Variants in ITPA observed in about 807,000 individuals in gnomAD.
The protein encoded by ITPA is inosine triphosphatase.
In ITPA, 29 loss-of-function variants were observed where a neutral mutation model predicts 29.6. The observed-to-expected ratio is 0.98, with a 90% CI of 0.73 to 1.34. The LOEUF (loss-of-function observed/expected upper bound fraction) is 1.34, where lower values mean the gene tolerates loss of function less well. Ranked by LOEUF, ITPA falls within the 40% of genes most tolerant of loss-of-function variation. ITPA has a pLI of 0.00. For missense variants in ITPA, 241 were observed against 251.5 expected (o/e 0.96, Z 0.28); for synonymous variants, 103 against 99.3 (o/e 1.04, Z -0.22).
intron 6 of ITPA, among the ~76,000 whole-genome samples, chr20:3,220,043 C>CA (rs745545920): frequency 0.027 from 1,585 of 57,900 alleles, 29 homozygotes; most frequent in Non-Finnish European, 0.043. Context: ...GACCCAGTCT[C>CA]AAAAAAAAAA....
At chr20:3,204,689 C>T, upstream of ITPA, 1 of 1,488,592 alleles carries the variant, frequency 6.7e-7, no homozygotes, top group Non-Finnish European at 9.0e-7. Flanking sequence ...ATAGGCCCCG[C>T]CCCTATTTCC....
intron 6 of ITPA, 157 bp from the exon 7 acceptor site, chr20:3,221,684 C>G (rs2067466838): frequency 2.8e-6 from 2 of 710,394 alleles, no homozygotes; most frequent in Non-Finnish European, 5.1e-6. Context: ...TTGTATTCAG[C>G]AAACATTTGC....
downstream of ITPA, among the ~76,000 whole-genome samples, chr20:3,226,400 T>A (rs569293464): frequency 2.6e-5 from 4 of 152,256 alleles, no homozygotes; most frequent in East Asian, 7.7e-4. The surrounding 1 kb of genome is among the most constrained non-coding windows in gnomAD (Gnocchi z 4.4). Flanking sequence ...TCGCTACCCG[T>A]CCCCAGACAG....
intron 7 of ITPA, among the ~76,000 whole-genome samples, chr20:3,222,395 A>G (rs1378630411): frequency 6.6e-6 from 1 of 152,034 alleles, no homozygotes; most frequent in Admixed American, 6.6e-5. Context: ...TATTTTTGTT[A>G]GAGACGGGGT....
Position 3,209,706 on chromosome 20 carries a change from A to T in ITPA, c.66+89A>T. The T allele has an allele frequency of 1.9e-6, 2 of 1,040,602 alleles. No individual in the cohort carries two copies. Among genetic ancestry groups the T allele is most frequent in the Non-Finnish European group, 3.0e-6 (2 of 677,428 alleles). 64.5% of individuals were successfully genotyped at this position (1,040,602 alleles called of 1,614,324 possible). ...CGGGAGGAGGGAAGCACGTGGGAGG[A>T]GGCATGGAGAGAGAACAGAATTCAG... On this transcript the variant is annotated intron_variant, in intron 1 of 7. Transcript: ENST00000380113. The surrounding 1 kb of genome is among the most constrained non-coding windows in gnomAD (Gnocchi z 4.6).
intron 6 of ITPA, among the ~76,000 whole-genome samples, chr20:3,221,505 ATCTT>A (rs1568519117): frequency 1.3e-5 from 2 of 149,328 alleles, no homozygotes; most frequent in African/African-American, 4.9e-5. Context: ...TTTTCTGTCT[ATCTT>A]TCTTTCTGTC....
At chr20:3,205,288 TG>T (rs2067063008), upstream of ITPA, among the ~76,000 whole-genome samples, 1 of 151,940 alleles carries the variant, frequency 6.6e-6, no homozygotes, top group African/African-American at 2.4e-5. Flanking sequence ...GGAAGCGGGT[TG>T]GGGTTTTGCT....
At chr20:3,209,059 C>T (rs1600486626), upstream of ITPA, 2 of 222,210 alleles carry the variant, frequency 9.0e-6, no homozygotes, top group Non-Finnish European at 1.9e-5. The surrounding 1 kb of genome is among the most constrained non-coding windows in gnomAD (Gnocchi z 4.6). Context: ...TTGTTTTAGG[C>T]TATGCCGAGT....
At chr20:3,222,820 G>A (rs77439610) in intron 7 of ITPA, among the ~76,000 whole-genome samples, 8,131 of 152,290 alleles carry the variant, frequency 0.053, 717 homozygotes, top group African/African-American at 0.18. Flanking sequence ...ACCCAGAAAC[G>A]GAATATTTCT....
chr20:3,205,044 G>C (rs952763577), upstream of ITPA, among the ~76,000 whole-genome samples: 4 of 152,000 alleles, frequency 2.6e-5, no homozygotes, highest in Non-Finnish European at 5.9e-5. Context: ...AGAGATGGGG[G>C]TTTCACCGTG....
At chr20:3,205,857 C>T (rs1356843150), upstream of ITPA, among the ~76,000 whole-genome samples, 1 of 151,692 alleles carries the variant, frequency 6.6e-6, no homozygotes, top group Non-Finnish European at 1.5e-5. Flanking sequence ...GTGTTCAAAA[C>T]CAGCCTAGCT....
intron 1 of ITPA, among the ~76,000 whole-genome samples, chr20:3,210,497 A>G (rs1421554137): frequency 3.3e-5 from 5 of 152,148 alleles, no homozygotes. Flanking sequence ...GATCAGGATG[A>G]CACCCACTGG....
rs1325228774 is a variant in ITPA, at chr20:3,223,824, C to T, written c.*362C>T. Reference sequence around the variant, plus strand: ...CAGTAAATAACATTTCTGGATGAGACTTGTTTCCAAAATAAACCAGCTATA... The same window carrying T: ...CAGTAAATAACATTTCTGGATGAGATTTGTTTCCAAAATAAACCAGCTATA... On this transcript the variant is annotated 3_prime_UTR_variant, in exon 8 of 8. Coordinates refer to ENST00000380113, the MANE Select transcript of ITPA (RefSeq NM_033453.4). 2 of 278,424 alleles carry T rather than the reference C, an allele frequency of 7.2e-6. No homozygotes were observed. Among genetic ancestry groups the T allele is most frequent in the Non-Finnish European group, 1.4e-5 (2 of 144,292 alleles). The allele number at this position is 278,424 out of a possible 1,614,324, so 17.2% of individuals were successfully genotyped here. A position where few individuals can be genotyped will look rare whatever the true frequency, so the allele number is the denominator to read the frequency against.
At chr20:3,219,679 A>T (rs577748683) in intron 6 of ITPA, among the ~76,000 whole-genome samples, 1 of 146,750 alleles carries the variant, frequency 6.8e-6, no homozygotes, top group African/African-American at 2.5e-5. Flanking sequence ...CAGGAGGCGG[A>T]GGTTGCAGTG....
rs776956059 is a variant in ITPA, at chr20:3,209,634, G to A, written c.66+17G>A. ...CTGGAGGAGGTGCCGGGAGGGTGTTGGGGGCTAACTGGGAGGCGGCTGGGA... is the reference window on the plus strand; with the variant it reads ...CTGGAGGAGGTGCCGGGAGGGTGTTAGGGGCTAACTGGGAGGCGGCTGGGA... On this transcript the variant is annotated intron_variant, in intron 1 of 7. Coordinates refer to ENST00000380113, the MANE Select transcript of ITPA (RefSeq NM_033453.4). The surrounding 1 kb of genome is among the most constrained non-coding windows in gnomAD (Gnocchi z 4.6). 1.2e-6 allele frequency: 2 copies of A among 1,612,508 alleles called. No homozygotes were observed. Among genetic ancestry groups the A allele is most frequent in the Admixed American group, 3.3e-5 (2 of 59,998 alleles).
At chr20:3,204,854 A>G (rs1167072889), upstream of ITPA, among the ~76,000 whole-genome samples, 2 of 149,842 alleles carry the variant, frequency 1.3e-5, no homozygotes, top group African/African-American at 4.9e-5. Flanking sequence ...GAAAACATCT[A>G]TGTATGTTTT....
chr20:3,226,284 G>T (rs2067553541), downstream of ITPA, among the ~76,000 whole-genome samples: 1 of 152,196 alleles, frequency 6.6e-6, no homozygotes, highest in Non-Finnish European at 1.5e-5. This position sits in a 1 kb window ranked among gnomAD's most constrained non-coding sequence, Gnocchi z 4.4. Flanking sequence ...TGGGCACCCA[G>T]CAGCTGTCCC....
At chr20:3,207,370 C>T (rs572689250), upstream of ITPA, among the ~76,000 whole-genome samples, 1 of 152,246 alleles carries the variant, frequency 6.6e-6, no homozygotes, top group South Asian at 2.1e-4. Flanking sequence ...TTACAGAACA[C>T]CTACTATGTA....
intron 5 of ITPA, 81 bp downstream of exon 5, chr20:3,215,393 A>C (rs2122347611): frequency 1.2e-5 from 16 of 1,302,574 alleles, no homozygotes; most frequent in Non-Finnish European, 1.1e-6. Context: ...CCCAACTAGT[A>C]ATCAGGAGTC....
Sources: gnomAD v4.1 joint callset for allele counts (sites outside exome capture counted in the v4.1 genomes callset) on GRCh38, gnomAD v4.1.1 for gene constraint, Gnocchi (gnomAD v3.1) non-coding constraint, MANE v1.5 for transcripts, NCBI Gene and HGNC (gene_info 2026-07-23, HGNC 2026-07-21) for gene names.